SCN8A: variants seen among roughly 807,000 people sequenced by gnomAD.
SCN8A encodes sodium channel protein type 8 subunit alpha.
In SCN8A, 30 loss-of-function variants were observed where a neutral mutation model predicts 184.1. The ratio of observed to expected loss-of-function variants is 0.16; its 90% CI spans 0.12 to 0.22. The LOEUF is 0.22. Ranked by LOEUF, SCN8A falls within the 10% of genes least tolerant of loss-of-function variation. The pLI is 1.00. For synonymous variants in SCN8A, 852 were observed against 907.0 expected (o/e 0.94, Z 1.09); for missense variants, 1,057 against 2,498.9 (o/e 0.42, Z 12.30).
At position 51,630,548 on chromosome 12, in the gene SCN8A, T is replaced by C. The variant is rs111491810; in HGVS notation, c.-54-32216T>C. On this transcript the variant is annotated intron_variant, in intron 1 of 26. Coordinates refer to ENST00000627620, the MANE Select transcript of SCN8A (RefSeq NM_001330260.2). ...TTTAGGTTACTTCCATCTTTGGCTA[T>C]TGTGAATGATGTTGCTGTGGCATTT... is the stretch of plus-strand genomic sequence containing the variant. Among the ~76,000 whole-genome samples, 1,136 of 152,260 alleles carry C rather than the reference T, an allele frequency of 7.5e-3. 9 individuals are homozygous for C. The highest frequency in any genetic ancestry group is 0.025 in the African/African-American group (1,049 of 41,550).
At chr12:51,797,268 T>C in intron 26 of SCN8A, among the ~76,000 whole-genome samples, 1 of 152,200 alleles carries the variant, frequency 6.6e-6, no homozygotes, top group East Asian at 1.9e-4. Context: ...CTGAATGCTA[T>C]TACATAAAGT....
intron 21 of SCN8A, among the ~76,000 whole-genome samples, chr12:51,782,997 T>A (rs1179008608): frequency 3.3e-5 from 5 of 152,312 alleles, no homozygotes; most frequent in Middle Eastern, 3.4e-3. Flanking sequence ...GGTAAGATAA[T>A]ATGGTCAAGA....
intron 26 of SCN8A, among the ~76,000 whole-genome samples, chr12:51,799,012 C>G (rs1170012980): frequency 1.3e-5 from 2 of 152,348 alleles, no homozygotes; most frequent in East Asian, 1.9e-4. Flanking sequence ...CTTCAGTGCT[C>G]TCCTTCAGGG....
chr12:51,751,649 A>G (rs1942597195), intron 14 of SCN8A, 56 bp downstream of exon 14: 3 of 1,345,292 alleles, frequency 2.2e-6, no homozygotes, highest in Admixed American at 1.9e-5. Flanking sequence ...TGCCTGTAGG[A>G]TATCTTTTTC....
chr12:51,742,744 AG>A (rs1942447373), intron 12 of SCN8A, among the ~76,000 whole-genome samples: 1 of 151,922 alleles, frequency 6.6e-6, no homozygotes, highest in South Asian at 2.1e-4. Flanking sequence ...ATCTTTCTCT[AG>A]GTTTGGCAAG....
chr12:51,655,637 G>A (rs1592358664), intron 1 of SCN8A, among the ~76,000 whole-genome samples: 1 of 152,082 alleles, frequency 6.6e-6, no homozygotes, highest in African/African-American at 2.4e-5. Flanking sequence ...GCCTCCCAAA[G>A]CACTAGGATT....
chr12:51,687,949 A>T (rs769966089), intron 5 of SCN8A, among the ~76,000 whole-genome samples: 14 of 152,168 alleles, frequency 9.2e-5, no homozygotes, highest in Non-Finnish European at 1.8e-4. Flanking sequence ...TGTATGCATG[A>T]TGTGTAAGAA....
intron 1 of SCN8A, among the ~76,000 whole-genome samples, chr12:51,610,358 G>C (rs1288026942): frequency 6.6e-6 from 1 of 152,042 alleles, no homozygotes; most frequent in Non-Finnish European, 1.5e-5. Flanking sequence ...GAGCATTTAG[G>C]CCATTTATAT....
chr12:51,796,768 C>T (rs1166083877), intron 26 of SCN8A, among the ~76,000 whole-genome samples: 1 of 152,186 alleles, frequency 6.6e-6, no homozygotes, highest in Non-Finnish European at 1.5e-5. Flanking sequence ...CAGAGAGCCC[C>T]TGGCAAACCA....
At chr12:51,803,531 C>T (rs1375730245) in intron 26 of SCN8A, among the ~76,000 whole-genome samples, 2 of 152,012 alleles carry the variant, frequency 1.3e-5, no homozygotes, top group African/African-American at 4.8e-5. Flanking sequence ...TCTGAAACCA[C>T]CTACAGTACC....
At chr12:51,766,793 C>T (rs1432353817) in intron 16 of SCN8A, among the ~76,000 whole-genome samples, 1 of 152,026 alleles carries the variant, frequency 6.6e-6, no homozygotes, top group East Asian at 1.9e-4. Context: ...AATTCTAGGC[C>T]CCAAATCAGA....
rs928008352 is a variant in SCN8A, at chr12:51,706,501, C to T, written c.1421C>T (p.Pro474Leu). Residue 474 changes from proline (P) to leucine (L), a missense_variant, in exon 11 of 27, where the codon CCT (proline) becomes CTT (leucine). Around this residue, in one of 19 missense-constraint regions of SCN8A, gnomAD observed 322 missense variants for 390.1 expected, o/e 0.83. Coordinates refer to ENST00000627620, the MANE Select transcript of SCN8A (RefSeq NM_001330260.2). ...EEEGEEGGGSPRSSSEISKLS... is the reference protein window; with the variant it reads ...EEEGEEGGGSLRSSSEISKLS... ...GAAGGTGAAGAAGGAGGGGGCTCCC[C>T]TCGGAGCTCTTCTGAAATCTCTAAA... 6.2e-7 allele frequency: 1 copy of T among 1,604,928 alleles called. No homozygotes were observed. The highest frequency in any genetic ancestry group is 8.5e-7 in the Non-Finnish European group (1 of 1,175,746).
intron 20 of SCN8A, 134 bp downstream of exon 20, chr12:51,774,496 T>G: frequency 1.3e-6 from 1 of 797,304 alleles, no homozygotes; most frequent in Non-Finnish European, 2.0e-6. Context: ...TGGGTAAAGT[T>G]CCTTTCATAG....
Position 51,717,438 on chromosome 12 carries a change from C to T in SCN8A, c.1636-4108C>T, listed in dbSNP as rs545317138. Reference sequence around the variant, plus strand: ...ATGTTATGACTGTGTCTAATTGTTACAAAAGTTTCTAAATGCCCCTCTCAG... The same window carrying T: ...ATGTTATGACTGTGTCTAATTGTTATAAAAGTTTCTAAATGCCCCTCTCAG... On this transcript the variant is annotated intron_variant, in intron 11 of 26. Coordinates refer to ENST00000627620, the MANE Select transcript of SCN8A (RefSeq NM_001330260.2). Among the ~76,000 whole-genome samples the T allele has an allele frequency of 1.9e-4, 29 of 152,286 alleles. 7 individuals carry two copies. Among genetic ancestry groups the T allele is most frequent in the African/African-American group, 7.0e-4 (29 of 41,550 alleles).
chr12:51,631,622 G>A (rs1940198172), intron 1 of SCN8A, among the ~76,000 whole-genome samples: 1 of 152,170 alleles, frequency 6.6e-6, no homozygotes, highest in Non-Finnish European at 1.5e-5. Flanking sequence ...AGATGCTAGA[G>A]GTGATGATCC....
At chr12:51,671,589 G>A (rs1427645125) in intron 2 of SCN8A, among the ~76,000 whole-genome samples, 1 of 152,116 alleles carries the variant, frequency 6.6e-6, no homozygotes, top group Non-Finnish European at 1.5e-5. Context: ...TTTAATAATG[G>A]CCATTTAAAT....
chr12:51,802,691 A>G, intron 26 of SCN8A, among the ~76,000 whole-genome samples: 1 of 152,166 alleles, frequency 6.6e-6, no homozygotes, highest in East Asian at 1.9e-4. Flanking sequence ...AACTTAGGAG[A>G]ACCAACCAAC....
At chr12:51,697,570 G>C (rs1176864099) in intron 6 of SCN8A, among the ~76,000 whole-genome samples, 1 of 152,180 alleles carries the variant, frequency 6.6e-6, no homozygotes, top group African/African-American at 2.4e-5. Context: ...TATGAGGTTA[G>C]CCCTGAGCAG....
intron 6 of SCN8A, among the ~76,000 whole-genome samples, chr12:51,695,924 G>C (rs1941585382): frequency 6.6e-6 from 1 of 152,182 alleles, no homozygotes; most frequent in Non-Finnish European, 1.5e-5. Flanking sequence ...AGGAACAGGG[G>C]ATAGTTGGAG....
Sources: allele counts gnomAD v4.1 joint callset (sites outside exome capture counted in the v4.1 genomes callset), GRCh38; gene constraint gnomAD v4.1.1; regional missense constraint gnomAD v4.1.1; transcripts MANE v1.5; gene names NCBI Gene and HGNC (gene_info 2026-07-23, HGNC 2026-07-21).